Variants in ZFYVE9 observed in about 807,000 individuals in gnomAD.
The protein encoded by ZFYVE9 is zinc finger FYVE-type containing 9.
In ZFYVE9, 43 loss-of-function variants were observed where a neutral mutation model predicts 126.7. That is an observed-to-expected ratio of 0.34 (90% confidence interval 0.27 to 0.44). ZFYVE9 has a LOEUF of 0.44. Ranked by LOEUF, ZFYVE9 falls within the 20% of genes least tolerant of loss-of-function variation. The pLI is 1.00. For synonymous variants in ZFYVE9, 521 were observed against 597.4 expected (o/e 0.87, Z 1.87); for missense variants, 1,476 against 1,697.0 (o/e 0.87, Z 2.29).
intron 1 of ZFYVE9, among the ~76,000 whole-genome samples, chr1:52,202,041 C>G (rs1266123529): frequency 1.3e-5 from 2 of 152,122 alleles, no homozygotes; most frequent in African/African-American, 4.8e-5. Flanking sequence ...ATCTTGGCCT[C>G]CCAAAGTGCT....
At chr1:52,203,811 A>G (rs1014445548) in intron 1 of ZFYVE9, among the ~76,000 whole-genome samples, 8 of 152,022 alleles carry the variant, frequency 5.3e-5, no homozygotes, top group Non-Finnish European at 8.8e-5. Context: ...TCCTCAAACT[A>G]GAGATTCTTT....
chr1:52,266,649 C>T lies in ZFYVE9; in HGVS notation c.2279-6C>T. ...TTCACATTGATTGTGTCTGTATTTGCTTTAGCTCAAGCCTGGGAGAACATG... is the reference window on the plus strand; with the variant it reads ...TTCACATTGATTGTGTCTGTATTTGTTTTAGCTCAAGCCTGGGAGAACATG... On this transcript the variant is annotated splice_region_variant and splice_polypyrimidine_tract_variant and intron_variant, in intron 5 of 18. Transcript: ENST00000287727. 6.3e-7 allele frequency: 1 copy of T among 1,582,248 alleles called. No homozygotes were observed. The highest frequency in any genetic ancestry group is 8.6e-7 in the Non-Finnish European group (1 of 1,165,770).
At chr1:52,285,692 GT>G (rs1424885355) in intron 10 of ZFYVE9, among the ~76,000 whole-genome samples, 1 of 152,104 alleles carries the variant, frequency 6.6e-6, no homozygotes, top group Non-Finnish European at 1.5e-5. Context: ...ATGGTGAGTT[GT>G]ATAATTATTT....
At chr1:52,215,215 G>T (rs1645061223) in intron 1 of ZFYVE9, among the ~76,000 whole-genome samples, 1 of 151,988 alleles carries the variant, frequency 6.6e-6, no homozygotes, top group South Asian at 2.1e-4. Context: ...TTTGACCTTG[G>T]TTTGTATTTT....
chr1:52,255,516 C>T (rs953566899), intron 4 of ZFYVE9, among the ~76,000 whole-genome samples: 3 of 147,642 alleles, frequency 2.0e-5, no homozygotes, highest in African/African-American at 2.5e-5. Context: ...ACCTGGGAGG[C>T]GGCGGTTGCG....
rs570048103 is a variant in ZFYVE9 at position 52,173,888 on chromosome 1, C to T, written c.-143+31485C>T. Among the ~76,000 whole-genome samples, 228 of 151,760 alleles carry T rather than the reference C, an allele frequency of 1.5e-3. 2 individuals carry two copies. Among genetic ancestry groups the T allele is most frequent in the South Asian group, 0.013 (63 of 4,788 alleles). The stretch of plus-strand genomic sequence containing the variant: ...TTTTATTGTGTCTATTTGATTCTTC[C>T]CTCTTTTTTTCTTTGTTAGTCTTGC... On this transcript the variant is annotated intron_variant, in intron 1 of 18. Transcript: ENST00000287727.
At chr1:52,183,637 G>A (rs1441581536) in intron 1 of ZFYVE9, among the ~76,000 whole-genome samples, 4 of 151,942 alleles carry the variant, frequency 2.6e-5, no homozygotes, top group Non-Finnish European at 5.9e-5. Context: ...CGAGTATCTG[G>A]GAGTACAGGT....
At chr1:52,333,691 C>G (rs955070976) in intron 14 of ZFYVE9, among the ~76,000 whole-genome samples, 1 of 151,848 alleles carries the variant, frequency 6.6e-6, no homozygotes, top group African/African-American at 2.4e-5. Context: ...CGCGGTGGCT[C>G]ATGCCTGTAA....
chr1:52,294,383 G>T (rs1041706419), intron 11 of ZFYVE9, among the ~76,000 whole-genome samples: 4 of 152,278 alleles, frequency 2.6e-5, no homozygotes, highest in Non-Finnish European at 5.9e-5. Context: ...AGGATCAAAT[G>T]AGAGAATAAA....
At chr1:52,182,211 G>A (rs548412048) in intron 1 of ZFYVE9, among the ~76,000 whole-genome samples, 104 of 152,246 alleles carry the variant, frequency 6.8e-4, no homozygotes, top group African/African-American at 2.3e-3. Context: ...GGGAAGTGAG[G>A]AGCCCCTCTG....
chr1:52,165,324 CAAGA>C (rs1050016697), intron 1 of ZFYVE9, among the ~76,000 whole-genome samples: 13 of 151,910 alleles, frequency 8.6e-5, no homozygotes, highest in Non-Finnish European at 2.9e-5. Context: ...TGTAATTAGA[CAAGA>C]AAGAAAGAGA....
At chr1:52,253,794 C>T (rs1645475458) in intron 4 of ZFYVE9, 1 of 1,601,478 alleles carries the variant, frequency 6.2e-7, no homozygotes, top group African/African-American at 1.3e-5. Flanking sequence ...AATCAGATGG[C>T]TCCCAGCCTC....
At chr1:52,260,873 G>C (rs1309068567) in intron 4 of ZFYVE9, among the ~76,000 whole-genome samples, 1 of 152,064 alleles carries the variant, frequency 6.6e-6, no homozygotes, top group East Asian at 1.9e-4. Flanking sequence ...GGTCAAAACA[G>C]ATCCTACAGA....
In ZFYVE9 at chr1:52,179,896, G is replaced by T. The variant is rs532762445; in HGVS notation, c.-142-36473G>T. On this transcript the variant is annotated intron_variant, in intron 1 of 18. Transcript: ENST00000287727. ...AATGGAGTGACATCTTACACAAAAA[G>T]GGCATCTTAAAGTCTGAAAGAATTG... is the stretch of plus-strand genomic sequence containing the variant. 5.4e-5 allele frequency: 49 copies of T among 906,642 alleles called. No individual in the cohort carries two copies. The East Asian group carries it at 1.2e-3, about 22-fold the overall frequency. 56.2% of individuals were successfully genotyped at this position (906,642 alleles called of 1,614,324 possible). A position where few individuals can be genotyped will look rare whatever the true frequency, so the allele number is the denominator to read the frequency against.
At chr1:52,325,284 C>A (rs1646280019) in intron 13 of ZFYVE9, among the ~76,000 whole-genome samples, 2 of 152,034 alleles carry the variant, frequency 1.3e-5, no homozygotes, top group African/African-American at 4.8e-5. Context: ...GCCGAGACTG[C>A]ACCACTGCAC....
rs533234675 is a variant in ZFYVE9 at position 52,273,055 on chromosome 1, G to A, written c.2626-1409G>A. On this transcript the variant is annotated intron_variant, in intron 7 of 18. Coordinates refer to ENST00000287727, the MANE Select transcript of ZFYVE9 (RefSeq NM_004799.4). ...GGAGTTTTGTTCTTGTTGCCCAGGC[G>A]GAGTGCAATGGTGCGATCTTAGCTC... Among the ~76,000 whole-genome samples, 29 of 152,046 alleles carry A rather than the reference G, an allele frequency of 1.9e-4. No homozygotes were observed. The South Asian group carries it at 4.6e-3, about 24-fold the overall frequency.
intron 13 of ZFYVE9, among the ~76,000 whole-genome samples, chr1:52,311,428 C>G (rs1646136193): frequency 6.6e-6 from 1 of 152,052 alleles, no homozygotes; most frequent in Non-Finnish European, 1.5e-5. Flanking sequence ...CCACGCCCAG[C>G]TAATTTTTGT....
At chr1:52,274,330 T>G in intron 7 of ZFYVE9, 134 bp from the exon 8 acceptor site, 1 of 1,106,728 alleles carries the variant, frequency 9.0e-7, no homozygotes, top group Non-Finnish European at 1.3e-6. Flanking sequence ...CATGGGTTAA[T>G]GAATATTTTG....
intron 13 of ZFYVE9, among the ~76,000 whole-genome samples, chr1:52,325,143 G>A (rs1180966089): frequency 6.6e-6 from 1 of 152,100 alleles, no homozygotes; most frequent in African/African-American, 2.4e-5. Context: ...GCTGGATGTG[G>A]TGGTGGGCCC....
Sources: allele counts gnomAD v4.1 joint callset (sites outside exome capture counted in the v4.1 genomes callset), GRCh38; gene constraint gnomAD v4.1.1; transcripts MANE v1.5; gene names NCBI Gene and HGNC (gene_info 2026-07-23, HGNC 2026-07-21).